Variants in DCC observed in about 807,000 individuals in gnomAD.
DCC encodes the protein DCC netrin 1 receptor.
A neutral mutation model predicts 172.5 loss-of-function variants in DCC; 58 were observed. The observed-to-expected ratio is 0.34, with a 90% CI of 0.27 to 0.42. DCC has a LOEUF of 0.42. Ranked by LOEUF, DCC falls within the 10% of genes least tolerant of loss-of-function variation. The pLI is 1.00. For synonymous variants in DCC, 709 were observed against 644.5 expected (o/e 1.10, Z -1.52); for missense variants, 1,740 against 1,791.0 (o/e 0.97, Z 0.51).
At chr18:52,804,552 A>C (rs1256972128) in intron 2 of DCC, among the ~76,000 whole-genome samples, 1 of 152,146 alleles carries the variant, frequency 6.6e-6, no homozygotes, top group East Asian at 1.9e-4. Context: ...ATAAAGCTAC[A>C]GGTTTTTTGT....
intron 7 of DCC, among the ~76,000 whole-genome samples, chr18:53,129,884 A>T (rs2144315718): frequency 6.6e-6 from 1 of 152,288 alleles, no homozygotes; most frequent in South Asian, 2.1e-4. Context: ...CCATATAAAA[A>T]ACAGATGTAT....
In DCC at chr18:53,309,883, C is replaced by T. The variant is rs977023911; in HGVS notation, c.2053+4164C>T. ...AACAAAATATGAGCAGTTATATGTG[C>T]GACTATGCCTGAGATTTACTGCAAA... On this transcript the variant is annotated intron_variant, in intron 13 of 28. Transcript: ENST00000442544. 2.7e-5 allele frequency among the ~76,000 whole-genome samples: 4 copies of T among 145,912 alleles called. No individual in the cohort carries two copies. In the East Asian group the frequency reaches 8.2e-4, roughly 30 times the overall value.
In DCC at chr18:53,500,956, A is replaced by T. The variant is rs535548994; in HGVS notation, c.4111+1446A>T. On this transcript the variant is annotated intron_variant, in intron 27 of 28. Transcript: ENST00000442544. ...ATCTGCTACTTTATATGGCCCCAAA[A>T]CTATGAAGTCTTTGATAATTGAGGC... 7.9e-5 allele frequency among the ~76,000 whole-genome samples: 12 copies of T among 152,194 alleles called. No homozygotes were observed. In the South Asian group the frequency reaches 2.5e-3, roughly 32 times the overall value.
intron 25 of DCC, among the ~76,000 whole-genome samples, chr18:53,480,211 G>A (rs1210579441): frequency 6.6e-6 from 1 of 152,198 alleles, no homozygotes; most frequent in East Asian, 1.9e-4. Context: ...TATAGTAGGA[G>A]ATTGCAGGGG....
chr18:52,342,635 C>A (rs2144221913), intron 1 of DCC, among the ~76,000 whole-genome samples: 1 of 152,254 alleles, frequency 6.6e-6, no homozygotes, highest in Admixed American at 6.5e-5. Flanking sequence ...AGGGGAAGTT[C>A]AGGGGGCATC....
intron 9 of DCC, among the ~76,000 whole-genome samples, chr18:53,193,131 A>G (rs758908434): frequency 3.6e-4 from 55 of 152,284 alleles, no homozygotes; most frequent in Admixed American, 3.3e-4. Context: ...GTGCCCCTTC[A>G]ATTCACTGTC....
intron 1 of DCC, among the ~76,000 whole-genome samples, chr18:52,639,374 G>T (rs1402201260): frequency 6.6e-6 from 1 of 152,020 alleles, no homozygotes; most frequent in Admixed American, 6.6e-5. Flanking sequence ...ACAAAAAGCT[G>T]GTTCCTTGAA....
chr18:53,042,687 A>G (rs557337358), intron 5 of DCC, among the ~76,000 whole-genome samples: 1 of 152,200 alleles, frequency 6.6e-6, no homozygotes, highest in East Asian at 1.9e-4. Flanking sequence ...ACATTTATGC[A>G]GCCAACAAAC....
intron 9 of DCC, among the ~76,000 whole-genome samples, chr18:53,195,364 ACTTT>A (rs1272250543): frequency 1.3e-5 from 2 of 152,126 alleles, no homozygotes; most frequent in African/African-American, 4.8e-5. Flanking sequence ...TGATTTTTTA[ACTTT>A]CTTTGAGTCT....
At chr18:52,942,928 G>C (rs2040486411) in intron 5 of DCC, among the ~76,000 whole-genome samples, 1 of 152,070 alleles carries the variant, frequency 6.6e-6, no homozygotes, top group East Asian at 1.9e-4. Context: ...TTTGAATATT[G>C]ATACTGTTTA....
intron 12 of DCC, among the ~76,000 whole-genome samples, chr18:53,291,885 C>A (rs140950317): frequency 6.6e-6 from 1 of 152,250 alleles, no homozygotes; most frequent in East Asian, 1.9e-4. Context: ...TAGGGAACAA[C>A]CAAATTGCTT....
chr18:53,129,326 G>A (rs1192366939), intron 7 of DCC, among the ~76,000 whole-genome samples: 1 of 151,874 alleles, frequency 6.6e-6, no homozygotes, highest in Non-Finnish European at 1.5e-5. Flanking sequence ...TTCATTTGAG[G>A]CATAATTAAT....
intron 1 of DCC, among the ~76,000 whole-genome samples, chr18:52,556,272 C>T (rs532452640): frequency 5.3e-5 from 8 of 152,126 alleles, no homozygotes; most frequent in Non-Finnish European, 8.8e-5. Context: ...AACAACTTCC[C>T]GTAGAATCAT....
intron 12 of DCC, among the ~76,000 whole-genome samples, chr18:53,251,042 C>T (rs1033185213): frequency 6.6e-6 from 1 of 151,942 alleles, no homozygotes; most frequent in East Asian, 1.9e-4. Flanking sequence ...TCTTGCATCA[C>T]CTTTGTGGCC....
chr18:52,522,741 C>G (rs774850726), intron 1 of DCC, among the ~76,000 whole-genome samples: 5 of 152,064 alleles, frequency 3.3e-5, no homozygotes, highest in Non-Finnish European at 7.4e-5. Flanking sequence ...AGTCATTAAA[C>G]TAAGTATGTT....
chr18:52,699,536 G>T (rs746658259), intron 1 of DCC, among the ~76,000 whole-genome samples: 54 of 152,154 alleles, frequency 3.5e-4, no homozygotes, highest in African/African-American at 1.2e-3. Flanking sequence ...GACCATTCAT[G>T]AATATGTTAA....
At chr18:53,194,945 A>G (rs1179097013) in intron 9 of DCC, among the ~76,000 whole-genome samples, 1 of 152,228 alleles carries the variant, frequency 6.6e-6, no homozygotes, top group East Asian at 1.9e-4. Context: ...TAATGAGGTA[A>G]CCAATATTTG....
chr18:53,191,898 C>G (rs772371622), intron 9 of DCC, among the ~76,000 whole-genome samples: 1 of 152,052 alleles, frequency 6.6e-6, no homozygotes, highest in African/African-American at 2.4e-5. Flanking sequence ...TGATCCAGAG[C>G]AGCACACCAG....
intron 5 of DCC, among the ~76,000 whole-genome samples, chr18:53,025,795 T>TACACACACACACACAC (rs34351949): frequency 1.4e-5 from 2 of 141,510 alleles, no homozygotes; most frequent in African/African-American, 2.6e-5. Context: ...AAAACTATGA[T>TACACACACACACACAC]ACACACACAC....
Sources: allele counts gnomAD v4.1 joint callset (sites outside exome capture counted in the v4.1 genomes callset), GRCh38; gene constraint gnomAD v4.1.1; transcripts MANE v1.5; gene names NCBI Gene and HGNC (gene_info 2026-07-23, HGNC 2026-07-21).